Variants in PTPRN2 observed in about 807,000 individuals in gnomAD.
PTPRN2 encodes protein tyrosine phosphatase receptor type N2.
A neutral mutation model predicts 118.8 loss-of-function variants in PTPRN2; 74 were observed. That is an observed-to-expected ratio of 0.62 (90% CI 0.52 to 0.76). The LOEUF (loss-of-function observed/expected upper bound fraction) is 0.76. Among genes scored for constraint, PTPRN2 ranks in the 30% least tolerant of loss-of-function variants. PTPRN2 has a pLI of 0.00. For missense variants in PTPRN2, 1,481 were observed against 1,394.4 expected (o/e 1.06, Z -0.99); for synonymous variants, 641 against 608.0 (o/e 1.05, Z -0.80).
intron 12 of PTPRN2, among the ~76,000 whole-genome samples, chr7:157,770,985 A>G (rs1345632537): frequency 6.6e-6 from 1 of 152,230 alleles, no homozygotes. Context: ...CAGCAGAAGT[A>G]ACGCCCTGCC....
Position 157,869,586 on chromosome 7 carries a change from T to C in PTPRN2, c.1788+29087A>G, listed in dbSNP as rs1004891018. On this transcript the variant is annotated intron_variant, in intron 12 of 22. Coordinates refer to ENST00000389418, the MANE Select transcript of PTPRN2 (RefSeq NM_002847.5). The surrounding 1 kb of genome is among the most constrained non-coding windows in gnomAD (Gnocchi z 4.2). ...TTTAGCCACATCAATGCAGTCTTTT[T>C]CCCATTACTATCTAAGGAAAAATGG... Among the ~76,000 whole-genome samples the C allele has an allele frequency of 6.6e-6, 1 of 152,174 alleles. No homozygotes were observed. Among genetic ancestry groups the C allele is most frequent in the African/African-American group, 2.4e-5 (1 of 41,440 alleles).
chr7:158,397,441 G>A (rs1433058658), intron 2 of PTPRN2, among the ~76,000 whole-genome samples: 1 of 152,212 alleles, frequency 6.6e-6, no homozygotes, highest in Non-Finnish European at 1.5e-5. Context: ...GGACAGGGCT[G>A]ACATGAAGCA....
chr7:158,564,380 A>G (rs1827553635), intron 1 of PTPRN2, among the ~76,000 whole-genome samples: 1 of 152,232 alleles, frequency 6.6e-6, no homozygotes, highest in African/African-American at 2.4e-5. Flanking sequence ...ACATTTTGTG[A>G]TGGATACAGC....
chr7:157,894,208 C>T (rs1347417653), intron 12 of PTPRN2, among the ~76,000 whole-genome samples: 1 of 152,302 alleles, frequency 6.6e-6, no homozygotes, highest in South Asian at 2.1e-4. Flanking sequence ...GGCACAAAGC[C>T]GAGAGCACAG....
intron 2 of PTPRN2, among the ~76,000 whole-genome samples, chr7:158,433,959 G>C (rs911455166): frequency 6.6e-6 from 1 of 152,192 alleles, no homozygotes; most frequent in South Asian, 2.1e-4. Flanking sequence ...GTATTTAGAA[G>C]AGTACTGCTT....
intron 11 of PTPRN2, among the ~76,000 whole-genome samples, chr7:157,930,710 C>T (rs1008400931): frequency 2.0e-5 from 3 of 152,222 alleles, no homozygotes; most frequent in Admixed American, 1.3e-4. Flanking sequence ...GGCAGGTAAG[C>T]GGGCAGCTTC....
chr7:158,357,107 A>G (rs1019199190), intron 2 of PTPRN2, among the ~76,000 whole-genome samples: 1 of 152,258 alleles, frequency 6.6e-6, no homozygotes, highest in Non-Finnish European at 1.5e-5. Flanking sequence ...GCAAACAACC[A>G]GAAAATAGAA....
intron 12 of PTPRN2, among the ~76,000 whole-genome samples, chr7:157,858,078 C>CCT (rs1809875188): frequency 7.5e-6 from 1 of 133,970 alleles, no homozygotes; most frequent in Non-Finnish European, 1.6e-5. Flanking sequence ...GCAGGGAGAA[C>CCT]CCCGTCACCA....
At chr7:158,458,843 C>G (rs1220047877) in intron 2 of PTPRN2, among the ~76,000 whole-genome samples, 1 of 152,214 alleles carries the variant, frequency 6.6e-6, no homozygotes, top group Non-Finnish European at 1.5e-5. Context: ...CCTCAGCACA[C>G]TAACCGTGGA....
In PTPRN2 at chr7:158,574,971, C is replaced by T. The variant is rs760317042; in HGVS notation, c.112+12587G>A. Among the ~76,000 whole-genome samples, 5 of 152,252 alleles carry T rather than the reference C, an allele frequency of 3.3e-5. No homozygotes were observed. Among genetic ancestry groups the T allele is most frequent in the Non-Finnish European group, 7.3e-5 (5 of 68,044 alleles). On this transcript the variant is annotated intron_variant, in intron 1 of 22. Transcript: ENST00000389418. This position sits in a 1 kb window ranked among gnomAD's most constrained non-coding sequence, Gnocchi z 4.6. ...ACTCACCCTCTTCTCCTTCAGGCTG[C>T]AAATTAAAACAGACTTCCATCCTTT...
In PTPRN2 at chr7:158,505,795, G is replaced by C. The variant is rs560247994; in HGVS notation, c.113-16010C>G. On this transcript the variant is annotated intron_variant, in intron 1 of 22. Coordinates refer to ENST00000389418, the MANE Select transcript of PTPRN2 (RefSeq NM_002847.5). ...TGATTCTTCCACCGTACACGTGTAT[G>C]CCATCACCATGCCCTGCGTCCTTAA... is the stretch of plus-strand genomic sequence containing the variant. 2.0e-3 allele frequency among the ~76,000 whole-genome samples: 308 copies of C among 152,306 alleles called. 1 individual carries two copies. Among genetic ancestry groups the C allele is most frequent in the Admixed American group, 2.2e-3 (34 of 15,314 alleles).
At chr7:158,587,490 A>G in intron 1 of PTPRN2, 68 bp downstream of exon 1, 1 of 859,692 alleles carries the variant, frequency 1.2e-6, no homozygotes, top group Non-Finnish European at 1.3e-6. Context: ...CCCCTCACGG[A>G]GGCGCCCCTC....
At position 157,920,379 on chromosome 7, in the gene PTPRN2, C is replaced by T. The variant is rs573719114; in HGVS notation, c.1724-21642G>A. ...TTCTCAAGTCAGCACCTCCCAGGAG[C>T]GCCAGCACCAAGCGCAGTTCACAGT... On this transcript the variant is annotated intron_variant, in intron 11 of 22. Coordinates refer to ENST00000389418, the MANE Select transcript of PTPRN2 (RefSeq NM_002847.5). 1.3e-3 allele frequency among the ~76,000 whole-genome samples: 193 copies of T among 152,308 alleles called. 1 individual carries two copies. The highest frequency in any genetic ancestry group is 3.7e-3 in the South Asian group (18 of 4,820).
At chr7:157,832,900 T>G (rs908596795) in intron 12 of PTPRN2, among the ~76,000 whole-genome samples, 3 of 152,230 alleles carry the variant, frequency 2.0e-5, no homozygotes, top group African/African-American at 4.8e-5. Flanking sequence ...ATGGAGAAAA[T>G]AGCCAACTGG....
At chr7:158,148,992 A>ACCCCATCTCATGCCACACG (rs1563514158) in intron 6 of PTPRN2, among the ~76,000 whole-genome samples, 12 of 19,544 alleles carry the variant, frequency 6.1e-4, no homozygotes, top group African/African-American at 2.3e-3. Flanking sequence ...CACGCCACAC[A>ACCCCATCTCATGCCACACG]TCTTTCCCCC....
intron 12 of PTPRN2, among the ~76,000 whole-genome samples, chr7:157,746,575 G>A (rs1426803539): frequency 7.4e-6 from 1 of 135,922 alleles, no homozygotes. Context: ...CGGGGCCAAG[G>A]GCGTGGAGAT....
intron 11 of PTPRN2, among the ~76,000 whole-genome samples, chr7:157,982,985 C>G (rs1418880489): frequency 3.6e-5 from 1 of 27,490 alleles, no homozygotes; most frequent in Non-Finnish European, 7.8e-5. Context: ...GGGTCCCCCC[C>G]AAACCCCGAG....
At chr7:158,103,298 A>T (rs780242652) in intron 10 of PTPRN2, among the ~76,000 whole-genome samples, 1 of 151,996 alleles carries the variant, frequency 6.6e-6, no homozygotes, top group African/African-American at 2.4e-5. Context: ...CTTCGTGGAA[A>T]GGAATGCAGT....
intron 10 of PTPRN2, among the ~76,000 whole-genome samples, chr7:158,103,039 CAGTA>C (rs1208495530): frequency 1.3e-5 from 2 of 152,188 alleles, no homozygotes; most frequent in African/African-American, 2.4e-5. Flanking sequence ...CAGCAGGACC[CAGTA>C]AGGCCTGGGT....
Sources: allele counts gnomAD v4.1 joint callset (sites outside exome capture counted in the v4.1 genomes callset), GRCh38; gene constraint gnomAD v4.1.1; non-coding constraint Gnocchi (gnomAD v3.1); transcripts MANE v1.5; gene names NCBI Gene and HGNC (gene_info 2026-07-23, HGNC 2026-07-21).